The following DYNC2I1 variants were observed in gnomAD, a reference collection of about 807,000 sequenced individuals.
DYNC2I1 encodes dynein 2 intermediate chain 1, also known as cytoplasmic dynein 2 intermediate chain 1.
In DYNC2I1, 89 loss-of-function variants were observed where a neutral mutation model predicts 133.4. The ratio of observed to expected loss-of-function variants is 0.67; its 90% CI spans 0.56 to 0.80. The LOEUF (loss-of-function observed/expected upper bound fraction) is 0.80, where lower values mean the gene tolerates loss of function less well. DYNC2I1 is among the 30% of genes least tolerant of loss of function. DYNC2I1 has a pLI of 0.00. For missense variants in DYNC2I1, 1,291 were observed against 1,314.5 expected (o/e 0.98, Z 0.28); for synonymous variants, 504 against 484.3 (o/e 1.04, Z -0.54).
intron 15 of DYNC2I1, among the ~76,000 whole-genome samples, chr7:158,920,202 G>A (rs1323525028): frequency 6.6e-6 from 1 of 150,746 alleles, no homozygotes; most frequent in Non-Finnish European, 1.5e-5. Context: ...CGGGGAACAC[G>A]TGAAGTGTGT....
chr7:158,941,711 A>G (rs1851381997), intron 23 of DYNC2I1, among the ~76,000 whole-genome samples: 1 of 152,178 alleles, frequency 6.6e-6, no homozygotes, highest in African/African-American at 2.4e-5. Context: ...GTGAGACCTC[A>G]TCTCTACGAA....
At chr7:158,874,340 TG>T (rs1206400528) in intron 3 of DYNC2I1, among the ~76,000 whole-genome samples, 7 of 152,132 alleles carry the variant, frequency 4.6e-5, no homozygotes, top group Non-Finnish European at 8.8e-5. Context: ...CCTGAGTAGC[TG>T]GGGTTATAGG....
At chr7:158,910,059 G>T (rs1343181223) in intron 11 of DYNC2I1, among the ~76,000 whole-genome samples, 3 of 152,348 alleles carry the variant, frequency 2.0e-5, no homozygotes, top group South Asian at 4.1e-4. Flanking sequence ...AGCACCGGCT[G>T]TGTGGCGATA....
intron 20 of DYNC2I1, among the ~76,000 whole-genome samples, chr7:158,928,855 C>T (rs539973562): frequency 9.9e-5 from 15 of 152,206 alleles, no homozygotes; most frequent in Middle Eastern, 3.4e-3. Flanking sequence ...CTTAAGAGTG[C>T]GCCTTGAGGC....
intron 17 of DYNC2I1, 113 bp downstream of exon 17, chr7:158,923,846 G>A (rs1356312379): frequency 2.5e-5 from 35 of 1,390,612 alleles, no homozygotes; most frequent in Non-Finnish European, 2.1e-5. Flanking sequence ...CAGAGGACGG[G>A]GTCTGACCCA....
the DYNC2I1 span, among the ~76,000 whole-genome samples, chr7:158,847,296 G>T: frequency 6.6e-6 from 1 of 152,154 alleles, no homozygotes; most frequent in Admixed American, 6.5e-5. Context: ...ACACAAGGAT[G>T]TGGTTTTTGC....
intron 10 of DYNC2I1, 87 bp downstream of exon 10, chr7:158,902,682 C>A: frequency 1.6e-6 from 2 of 1,238,246 alleles, no homozygotes; most frequent in East Asian, 4.7e-5. Context: ...CACAGGCCTA[C>A]TCTAATAAGG....
At chr7:158,944,739 A>G (rs966729768) in intron 24 of DYNC2I1, among the ~76,000 whole-genome samples, 3 of 152,184 alleles carry the variant, frequency 2.0e-5, no homozygotes, top group Non-Finnish European at 4.4e-5. Context: ...CACAGCCAGG[A>G]TCCTGGCAGG....
intron 12 of DYNC2I1, 101 bp from the exon 13 acceptor site, chr7:158,912,884 A>G: frequency 2.5e-6 from 2 of 808,314 alleles, no homozygotes; most frequent in Non-Finnish European, 3.9e-6. Flanking sequence ...TTATGCTTTG[A>G]TACTTACTTT....
intron 1 of DYNC2I1, among the ~76,000 whole-genome samples, chr7:158,862,304 AG>A (rs1328184212): frequency 2.0e-5 from 3 of 148,680 alleles, no homozygotes; most frequent in Non-Finnish European, 4.4e-5. Flanking sequence ...AGGACGAATC[AG>A]GGGACGATTA....
At chr7:158,894,132 A>ATACCGCATATCATACCGCATATCC (rs1845536169) in intron 8 of DYNC2I1, among the ~76,000 whole-genome samples, 4 of 150,954 alleles carry the variant, frequency 2.6e-5, no homozygotes, top group African/African-American at 9.8e-5. Context: ...ACCGCATATC[A>ATACCGCATATCATACCGCATATCC]TACCGCATAT....
At chr7:158,909,712 A>T (rs1031724605) in intron 11 of DYNC2I1, among the ~76,000 whole-genome samples, 1 of 152,216 alleles carries the variant, frequency 6.6e-6, no homozygotes, top group African/African-American at 2.4e-5. Flanking sequence ...GAAGGGAAAC[A>T]TGGAGGCGAT....
intron 23 of DYNC2I1, among the ~76,000 whole-genome samples, chr7:158,941,419 A>G (rs1397964824): frequency 6.6e-6 from 1 of 152,200 alleles, no homozygotes; most frequent in Non-Finnish European, 1.5e-5. Flanking sequence ...ATTTTGGAAG[A>G]GAAAGTGTAT....
chr7:158,868,829 C>T (rs1483741493), intron 1 of DYNC2I1, among the ~76,000 whole-genome samples: 1 of 152,202 alleles, frequency 6.6e-6, no homozygotes, highest in African/African-American at 2.4e-5. Flanking sequence ...CCTCACTGTC[C>T]TCATTAGAAA....
intron 1 of DYNC2I1, among the ~76,000 whole-genome samples, chr7:158,858,668 A>G (rs1174229566): frequency 3.3e-5 from 5 of 152,090 alleles, no homozygotes; most frequent in African/African-American, 9.7e-5. Flanking sequence ...CATCAGGACA[A>G]ATTGTTTTCT....
At chr7:158,872,545 G>A (rs1842978110) in intron 3 of DYNC2I1, among the ~76,000 whole-genome samples, 1 of 152,074 alleles carries the variant, frequency 6.6e-6, no homozygotes, top group South Asian at 2.1e-4. Context: ...TGAGGCAGGG[G>A]AATTGCTTGA....
intron 10 of DYNC2I1, chr7:158,902,869 C>T (rs1846382027): frequency 4.8e-6 from 2 of 414,434 alleles, no homozygotes; most frequent in Non-Finnish European, 8.6e-6. Context: ...GCCGTGGCCC[C>T]ACTCAGTGAG....
intron 4 of DYNC2I1, among the ~76,000 whole-genome samples, chr7:158,879,195 G>A (rs1286255309): frequency 6.6e-6 from 1 of 152,106 alleles, no homozygotes; most frequent in Non-Finnish European, 1.5e-5. Context: ...CTTACACAAG[G>A]GTAACAGATT....
At chr7:158,931,434 C>T (rs1026792968) in intron 21 of DYNC2I1, among the ~76,000 whole-genome samples, 5 of 152,090 alleles carry the variant, frequency 3.3e-5, no homozygotes, top group South Asian at 2.1e-4. Context: ...GAAAGAGAAT[C>T]AATTATATTT....
Sources: allele counts gnomAD v4.1 joint callset (sites outside exome capture counted in the v4.1 genomes callset), GRCh38; gene constraint gnomAD v4.1.1; transcripts MANE v1.5; gene names NCBI Gene and HGNC (gene_info 2026-07-23, HGNC 2026-07-21).